ABCD3: variants seen among roughly 807,000 people sequenced by gnomAD.
The protein encoded by ABCD3 is ATP-binding cassette sub-family D member 3.
A neutral mutation model predicts 105.5 loss-of-function variants in ABCD3; 41 were observed. The observed-to-expected ratio is 0.39, with a 90% CI of 0.30 to 0.50. The LOEUF is 0.50. ABCD3 is among the 20% of genes least tolerant of loss of function. The pLI is 0.84. For missense variants in ABCD3, 622 were observed against 806.3 expected (o/e 0.77, Z 2.77); for synonymous variants, 258 against 269.0 (o/e 0.96, Z 0.40).
chr1:94,448,539 C>T (rs777715459), intron 1 of ABCD3, among the ~76,000 whole-genome samples: 46 of 152,308 alleles, frequency 3.0e-4, no homozygotes, highest in African/African-American at 9.9e-4. Flanking sequence ...GCTCAAAAAG[C>T]GGAGCTTTTG....
In ABCD3 at chr1:94,470,251, C is replaced by G. The variant is rs143209120; in HGVS notation, c.335+2244C>G. 4.5e-3 allele frequency among the ~76,000 whole-genome samples: 689 copies of G among 152,292 alleles called. 6 individuals carry two copies. The highest frequency in any genetic ancestry group is 0.016 in the African/African-American group (668 of 41,552). ...TTCCAAGTTGGAATTCACTTTTCTT[C>G]AGAATTTTGAGAACATCACTCTGTT... On this transcript the variant is annotated intron_variant, in intron 4 of 22. Transcript: ENST00000370214.
At chr1:94,516,540 A>G (rs1203380170) in intron 22 of ABCD3, among the ~76,000 whole-genome samples, 3 of 151,904 alleles carry the variant, frequency 2.0e-5, no homozygotes, top group Non-Finnish European at 4.4e-5. Context: ...GGTATAGACA[A>G]GTAGCAAAAT....
chr1:94,498,884 T>G (rs1044641466), intron 18 of ABCD3, 36 bp downstream of exon 18: 1 of 1,611,030 alleles, frequency 6.2e-7, no homozygotes, highest in Non-Finnish European at 8.5e-7. Flanking sequence ...GATCTAAAGA[T>G]CTTTTTGTTT....
the ABCD3 span, among the ~76,000 whole-genome samples, chr1:94,407,238 C>T: frequency 3.3e-5 from 5 of 152,152 alleles, no homozygotes; most frequent in Admixed American, 1.3e-4. Flanking sequence ...GCAACCTCCA[C>T]CTCCTGGGTT....
chr1:94,435,813 A>G (rs1659881806), intron 1 of ABCD3, among the ~76,000 whole-genome samples: 1 of 152,196 alleles, frequency 6.6e-6, no homozygotes, highest in Non-Finnish European at 1.5e-5. Context: ...ATTTCGTGTT[A>G]TTACCTAAAA....
rs573525953 is a variant in ABCD3 at position 94,488,887 on chromosome 1, G to A, written c.1158-838G>A. On this transcript the variant is annotated intron_variant, in intron 13 of 22. Transcript: ENST00000370214. ...TCTTTCTCTTTCACTCCCTCCCTTC[G>A]TCTCCCTGCCCCCCTTTCTTTCTCT... Among the ~76,000 whole-genome samples, 4 of 149,258 alleles carry A rather than the reference G, an allele frequency of 2.7e-5. No individual in the cohort carries two copies. The South Asian group carries it at 6.3e-4, about 24-fold the overall frequency.
At chr1:94,454,236 A>T (rs181741178) in intron 1 of ABCD3, among the ~76,000 whole-genome samples, 84 of 152,318 alleles carry the variant, frequency 5.5e-4, no homozygotes, top group African/African-American at 1.9e-3. Context: ...ATAGCAGTAG[A>T]AATGGAAAGA....
At chr1:94,410,679 AC>A in the ABCD3 span, among the ~76,000 whole-genome samples, 2 of 151,990 alleles carry the variant, frequency 1.3e-5, no homozygotes, top group African/African-American at 2.4e-5. Context: ...AAAACTTCAT[AC>A]CCCTTTCATG....
chr1:94,498,748 T>TA, intron 17 of ABCD3, 35 bp from the exon 18 acceptor site: 1 of 1,613,582 alleles, frequency 6.2e-7, no homozygotes, highest in Non-Finnish European at 8.5e-7. Context: ...TTGTAAATTT[T>TA]ACAATTGTTC....
intron 21 of ABCD3, 115 bp downstream of exon 21, chr1:94,506,757 A>G: frequency 2.8e-6 from 2 of 701,964 alleles, no homozygotes; most frequent in East Asian, 2.8e-5. Flanking sequence ...TTTCTACCAA[A>G]AGATTTCTTG....
At chr1:94,510,032 CT>C (rs1650582828) in intron 21 of ABCD3, among the ~76,000 whole-genome samples, 1 of 152,096 alleles carries the variant, frequency 6.6e-6, no homozygotes, top group Non-Finnish European at 1.5e-5. Context: ...CTTCTGCTAG[CT>C]TTTGAATGTG....
At chr1:94,460,396 C>G (rs930427733) in intron 2 of ABCD3, among the ~76,000 whole-genome samples, 3 of 152,096 alleles carry the variant, frequency 2.0e-5, no homozygotes, top group African/African-American at 7.2e-5. Flanking sequence ...ATCTTTGTTT[C>G]TGGTTATTCA....
intron 16 of ABCD3, among the ~76,000 whole-genome samples, chr1:94,496,451 TTGTGTG>T (rs57988079): frequency 9.4e-5 from 14 of 149,412 alleles, no homozygotes; most frequent in South Asian, 4.2e-4. Context: ...TGCCATTTCA[TTGTGTG>T]TGTGTGTGTG....
chr1:94,484,698 A>T (rs1225238207), intron 10 of ABCD3, among the ~76,000 whole-genome samples: 1 of 152,192 alleles, frequency 6.6e-6, no homozygotes, highest in Non-Finnish European at 1.5e-5. Flanking sequence ...TGACGACTTA[A>T]TGAGTGCAGC....
At chr1:94,418,139 A>G (rs955017312), upstream of ABCD3, among the ~76,000 whole-genome samples, 3 of 152,122 alleles carry the variant, frequency 2.0e-5, no homozygotes, top group African/African-American at 7.2e-5. Context: ...GTGGGAGGGT[A>G]GGGGTGAGGC....
At chr1:94,419,388 A>G (rs1659168487) in intron 1 of ABCD3, 13 of 980,442 alleles carry the variant, frequency 1.3e-5, no homozygotes, top group Non-Finnish European at 1.6e-5. Context: ...TTCAGTGCTT[A>G]GATTTAACTT....
At position 94,511,631 on chromosome 1, in the gene ABCD3, A is replaced by G. The variant is rs575204426; in HGVS notation, c.1846-3515A>G. Among the ~76,000 whole-genome samples the G allele has an allele frequency of 5.3e-5, 8 of 152,200 alleles. No homozygotes were observed. In the East Asian group the frequency reaches 1.6e-3, roughly 30 times the overall value. On this transcript the variant is annotated intron_variant, in intron 21 of 22. Transcript: ENST00000370214. ...CTCCCCGTCACTTTCAGGTACACCAATCAGATGTAGATTTGGTCTTTTCAC... is the reference window on the plus strand; with the variant it reads ...CTCCCCGTCACTTTCAGGTACACCAGTCAGATGTAGATTTGGTCTTTTCAC...
At chr1:94,445,353 G>T (rs1660307225) in intron 1 of ABCD3, among the ~76,000 whole-genome samples, 1 of 152,132 alleles carries the variant, frequency 6.6e-6, no homozygotes, top group African/African-American at 2.4e-5. Context: ...TGGAGTGATG[G>T]TTGGAGAACA....
chr1:94,428,435 A>G (rs956239138), intron 1 of ABCD3, among the ~76,000 whole-genome samples: 1 of 152,244 alleles, frequency 6.6e-6, no homozygotes, highest in African/African-American at 2.4e-5. Context: ...AATTTAGTCA[A>G]CATGTTATGT....
Sources: allele counts gnomAD v4.1 joint callset (sites outside exome capture counted in the v4.1 genomes callset), GRCh38; gene constraint gnomAD v4.1.1; transcripts MANE v1.5; gene names NCBI Gene and HGNC (gene_info 2026-07-23, HGNC 2026-07-21).